TSHZ2: variants seen among roughly 807,000 people sequenced by gnomAD.
The protein encoded by TSHZ2 is teashirt homolog 2.
In TSHZ2, 21 loss-of-function variants were observed where a neutral mutation model predicts 74.4. The observed-to-expected ratio is 0.28, with a 90% CI of 0.20 to 0.41. TSHZ2 has a LOEUF of 0.41. Ranked by LOEUF, TSHZ2 falls within the 10% of genes least tolerant of loss-of-function variation. The pLI, the probability that TSHZ2 is intolerant of heterozygous loss-of-function variation, is 1.00. For missense variants in TSHZ2, 1,244 were observed against 1,293.5 expected (o/e 0.96, Z 0.59); for synonymous variants, 540 against 515.3 (o/e 1.05, Z -0.65).
intron 2 of TSHZ2, among the ~76,000 whole-genome samples, chr20:53,314,287 CAA>C (rs5841941): frequency 9.9e-5 from 13 of 131,690 alleles, no homozygotes; most frequent in Admixed American, 1.5e-4. Context: ...GACTCTGTCT[CAA>C]AAAAAAAAAA....
At chr20:53,407,817 T>C (rs1010157821) in intron 2 of TSHZ2, among the ~76,000 whole-genome samples, 5 of 152,224 alleles carry the variant, frequency 3.3e-5, no homozygotes, top group African/African-American at 1.2e-4. Context: ...AGCAGTGCCA[T>C]GTGATACACA....
intron 2 of TSHZ2, among the ~76,000 whole-genome samples, chr20:53,385,550 G>A (rs527368613): frequency 1.3e-5 from 2 of 152,148 alleles, no homozygotes; most frequent in African/African-American, 2.4e-5. Flanking sequence ...ATTCTCGGTC[G>A]TGGGGCGTGA....
chr20:53,280,768 C>G (rs1187374237), intron 2 of TSHZ2, among the ~76,000 whole-genome samples: 3 of 152,084 alleles, frequency 2.0e-5, no homozygotes, highest in Non-Finnish European at 4.4e-5. Flanking sequence ...TCTCAGCTCA[C>G]TGCAACCTCC....
intron 2 of TSHZ2, among the ~76,000 whole-genome samples, chr20:53,258,573 G>A (rs1187561204): frequency 1.3e-5 from 2 of 152,152 alleles, no homozygotes; most frequent in African/African-American, 4.8e-5. Flanking sequence ...ATAGGGAGAG[G>A]TAAGGAAAAG....
chr20:53,180,039 T>C (rs1336136782), intron 1 of TSHZ2, among the ~76,000 whole-genome samples: 1 of 152,198 alleles, frequency 6.6e-6, no homozygotes, highest in Non-Finnish European at 1.5e-5. Flanking sequence ...ACATAAACTG[T>C]CATTTATAGA....
At chr20:53,306,690 A>G (rs969477865) in intron 2 of TSHZ2, among the ~76,000 whole-genome samples, 1 of 152,234 alleles carries the variant, frequency 6.6e-6, no homozygotes, top group Non-Finnish European at 1.5e-5. Flanking sequence ...GTCGTTAAAC[A>G]GTTTGAAGGC....
chr20:53,381,046 A>G (rs1054346088), intron 2 of TSHZ2, among the ~76,000 whole-genome samples: 2 of 152,162 alleles, frequency 1.3e-5, no homozygotes, highest in Non-Finnish European at 2.9e-5. Flanking sequence ...TAGCTCTGTG[A>G]TTTTGTGTGA....
chr20:53,204,065 T>C (rs980288267), intron 1 of TSHZ2, among the ~76,000 whole-genome samples: 18 of 145,514 alleles, frequency 1.2e-4, no homozygotes, highest in African/African-American at 4.3e-4. Flanking sequence ...TATTATATCA[T>C]ATTATATGAT....
intron 1 of TSHZ2, among the ~76,000 whole-genome samples, chr20:53,054,775 T>C (rs1279331474): frequency 1.3e-5 from 2 of 152,132 alleles, no homozygotes; most frequent in African/African-American, 2.4e-5. Context: ...TTAGATGGCA[T>C]TGGAGTCACC....
chr20:53,088,706 CAT>C (rs1985775861), intron 1 of TSHZ2, among the ~76,000 whole-genome samples: 1 of 152,204 alleles, frequency 6.6e-6, no homozygotes, highest in Non-Finnish European at 1.5e-5. Context: ...TATGGATTGA[CAT>C]ATGGCATATT....
At chr20:53,051,452 C>G (rs796662762) in intron 1 of TSHZ2, among the ~76,000 whole-genome samples, 15 of 116,714 alleles carry the variant, frequency 1.3e-4, no homozygotes, top group African/African-American at 5.4e-4. Context: ...TACTCTGTGG[C>G]GCACGCACAC....
intron 1 of TSHZ2, among the ~76,000 whole-genome samples, chr20:53,120,287 C>T (rs896686764): frequency 1.3e-5 from 2 of 152,086 alleles, no homozygotes; most frequent in Admixed American, 6.5e-5. Flanking sequence ...GATGTCACTC[C>T]GCAGAGATCT....
At chr20:53,305,391 A>C (rs919550770) in intron 2 of TSHZ2, among the ~76,000 whole-genome samples, 1 of 152,124 alleles carries the variant, frequency 6.6e-6, no homozygotes, top group Non-Finnish European at 1.5e-5. Flanking sequence ...TGGATAGCCA[A>C]GTTTTTTTCT....
rs960878287 is a variant in TSHZ2 at position 53,488,895 on chromosome 20, A to G, written c.*1760A>G. The G allele has an allele frequency of 1.8e-5, 8 of 436,884 alleles. No homozygotes were observed. Among genetic ancestry groups the G allele is most frequent in the Non-Finnish European group, 2.8e-5 (6 of 216,232 alleles). The allele number at this position is 436,884 out of a possible 1,614,324, so 27.1% of individuals were successfully genotyped here. A position where few individuals can be genotyped will look rare whatever the true frequency, so the allele number is the denominator to read the frequency against. ...GGAAAGTGTTGCCCTTATGCCACATATAATAGCAAATTGCTTTTTTTATGG... is the reference window on the plus strand; with the variant it reads ...GGAAAGTGTTGCCCTTATGCCACATGTAATAGCAAATTGCTTTTTTTATGG... On this transcript the variant is annotated 3_prime_UTR_variant, in exon 3 of 3. Transcript: ENST00000371497.
intron 2 of TSHZ2, among the ~76,000 whole-genome samples, chr20:53,395,108 G>A (rs1356515191): frequency 6.6e-6 from 1 of 152,134 alleles, no homozygotes; most frequent in African/African-American, 2.4e-5. Context: ...AATCAAAGGT[G>A]AAATGATAAA....
chr20:53,250,182 A>G (rs1033020181), intron 1 of TSHZ2, among the ~76,000 whole-genome samples: 6 of 152,228 alleles, frequency 3.9e-5, no homozygotes, highest in African/African-American at 1.4e-4. Context: ...TCGACCCCCA[A>G]TCAACAAGGA....
intron 1 of TSHZ2, among the ~76,000 whole-genome samples, chr20:53,207,056 C>T (rs1208754253): frequency 2.0e-5 from 3 of 152,142 alleles, no homozygotes; most frequent in Admixed American, 6.5e-5. Flanking sequence ...GACAAATTAT[C>T]GACTCAAACT....
At chr20:53,423,155 T>C (rs2145720418) in intron 2 of TSHZ2, among the ~76,000 whole-genome samples, 1 of 152,252 alleles carries the variant, frequency 6.6e-6, no homozygotes, top group Admixed American at 6.5e-5. Flanking sequence ...TCCCAGCACT[T>C]TGGGAGGCTA....
At position 53,255,798 on chromosome 20, in the gene TSHZ2, A is replaced by G. The variant is rs764219915; in HGVS notation, c.2340A>G (p.Ala780=). ...GCAAGAAAGCCGAGTCCTCGCAAGC[A>G]CAATCTTGTATGTCCCCACCTCAGA... ...SKSKKAESSQ[A]QSCMSPPQKH... Residue 780 remains alanine (A), a synonymous_variant, in exon 2 of 3, where the codon GCA becomes GCG. Coordinates refer to ENST00000371497, the MANE Select transcript of TSHZ2 (RefSeq NM_173485.6). The surrounding 1 kb of genome is among the most constrained non-coding windows in gnomAD (Gnocchi z 4.1). The G allele has an allele frequency of 5.0e-6, 8 of 1,613,834 alleles. No homozygotes were observed. Among genetic ancestry groups the G allele is most frequent in the South Asian group, 1.1e-5 (1 of 91,048 alleles).
Sources: allele counts gnomAD v4.1 joint callset (sites outside exome capture counted in the v4.1 genomes callset), GRCh38; gene constraint gnomAD v4.1.1; non-coding constraint Gnocchi (gnomAD v3.1); transcripts MANE v1.5; gene names NCBI Gene and HGNC (gene_info 2026-07-23, HGNC 2026-07-21).